The following RCOR3 variants were observed in gnomAD, a reference collection of about 807,000 sequenced individuals.
RCOR3 encodes REST corepressor 3.
RCOR3 carries 13 observed loss-of-function variants against 64.1 expected under a neutral mutation model. The observed-to-expected ratio is 0.20, with a 90% confidence interval of 0.13 to 0.32. The LOEUF (loss-of-function observed/expected upper bound fraction) is 0.32, where lower values mean the gene tolerates loss of function less well. RCOR3 is among the 10% of genes least tolerant of loss of function. RCOR3 has a pLI of 1.00. For synonymous variants in RCOR3, 215 were observed against 239.0 expected, an observed-to-expected ratio of 0.90 and a Z score of 0.93; for missense variants, 489 against 701.2, an observed-to-expected ratio of 0.70 and a Z score of 3.42.
intron 2 of RCOR3, among the ~76,000 whole-genome samples, chr1:211,263,622 A>G (rs1694732423): frequency 1.3e-5 from 2 of 152,192 alleles, no homozygotes; most frequent in Admixed American, 1.3e-4. Context: ...CTTATCAATC[A>G]AATGTAGATT....
chr1:211,275,303 T>G (rs1696815707), intron 4 of RCOR3, among the ~76,000 whole-genome samples: 1 of 152,108 alleles, frequency 6.6e-6, no homozygotes, highest in Admixed American at 6.5e-5. Context: ...GAAATTGAGA[T>G]GTTTATTTTA....
chr1:211,266,853 C>T (rs1473464557), intron 2 of RCOR3, among the ~76,000 whole-genome samples: 3 of 152,152 alleles, frequency 2.0e-5, no homozygotes, highest in East Asian at 1.9e-4. Flanking sequence ...GTTACTTTCT[C>T]CTGTTTTATA....
At chr1:211,259,924 G>GCCCCCCCCCCCC in intron 1 of RCOR3, 184 bp from the exon 2 acceptor site, 2 of 459,850 alleles carry the variant, frequency 4.3e-6, no homozygotes, top group South Asian at 3.8e-5. Context: ...CTCCGCCTTT[G>GCCCCCCCCCCCC]CCCCCCCCCG....
At chr1:211,288,581 TTTTA>T (rs1169895628) in intron 7 of RCOR3, among the ~76,000 whole-genome samples, 7 of 147,544 alleles carry the variant, frequency 4.7e-5, no homozygotes, top group East Asian at 1.9e-4. Context: ...ATTATATTTA[TTTTA>T]TTTATTATAT....
intron 9 of RCOR3, among the ~76,000 whole-genome samples, chr1:211,298,964 G>A (rs1483502017): frequency 6.6e-6 from 1 of 151,680 alleles, no homozygotes; most frequent in African/African-American, 2.4e-5. Flanking sequence ...CTGAGATCGC[G>A]CCACTGCACT....
intron 8 of RCOR3, among the ~76,000 whole-genome samples, chr1:211,293,524 CTTTT>C (rs1376518505): frequency 1.3e-5 from 2 of 152,156 alleles, no homozygotes; most frequent in East Asian, 3.8e-4. Flanking sequence ...TTTAGCTGTC[CTTTT>C]CTTTGGAACA....
intron 3 of RCOR3, among the ~76,000 whole-genome samples, chr1:211,273,099 G>A (rs1223544241): frequency 6.6e-6 from 1 of 152,148 alleles, no homozygotes; most frequent in Non-Finnish European, 1.5e-5. Flanking sequence ...CCCTTTGGGG[G>A]GAGATTTGAT....
rs1453412834 is a variant in RCOR3, at chr1:211,286,550, G to T, written c.721-2628G>T. 2.0e-5 allele frequency among the ~76,000 whole-genome samples: 3 copies of T among 151,948 alleles called. 1 individual carries two copies. Among genetic ancestry groups the T allele is most frequent in the Non-Finnish European group, 4.4e-5 (3 of 67,996 alleles). ...TCTCGATCTCCTGACCTCGTGATCC[G>T]CCCCCCTCGGCCTCCCAAAATGCTG... On this transcript the variant is annotated intron_variant, in intron 7 of 11. Transcript: ENST00000419091.
In RCOR3 at chr1:211,269,597, C is replaced by CA. The variant is rs542859850; in HGVS notation, c.224-1625dup. ...GGGCAACAAGAGTGAAACTTCATCT[C>CA]AAAAAAAAAAGTGGCAGCAATGCTT... On this transcript the variant is annotated intron_variant, in intron 2 of 11. Coordinates refer to ENST00000419091, the MANE Select transcript of RCOR3 (RefSeq NM_001136223.3). Among the ~76,000 whole-genome samples the CA allele has an allele frequency of 3.3e-3, 473 of 144,792 alleles. 4 individuals carry two copies. The highest frequency in any genetic ancestry group is 4.6e-3 in the Admixed American group (67 of 14,540). 95.0% of individuals were successfully genotyped at this position (144,792 alleles called of 152,430 possible). A position where few individuals can be genotyped will look rare whatever the true frequency, so the allele number is the denominator to read the frequency against.
At chr1:211,304,177 T>A in intron 10 of RCOR3, 37 bp downstream of exon 10, 2 of 1,465,712 alleles carry the variant, frequency 1.4e-6, no homozygotes, top group South Asian at 1.3e-5. Flanking sequence ...TGTTAATAAT[T>A]ATTTAATTTG....
At chr1:211,278,084 A>G (rs758820318) in intron 5 of RCOR3, 33 bp from the exon 6 acceptor site, 34 of 1,548,930 alleles carry the variant, frequency 2.2e-5, no homozygotes, top group Non-Finnish European at 2.8e-5. Context: ...TTTATGAATT[A>G]AACTTGCTGA....
At chr1:211,278,368 C>G in intron 6 of RCOR3, 127 bp downstream of exon 6, 4 of 1,123,782 alleles carry the variant, frequency 3.6e-6, no homozygotes, top group Non-Finnish European at 5.1e-6. Context: ...TATGTTTCTA[C>G]TCTGACAAGA....
Position 211,312,971 on chromosome 1 carries a change from T to G in RCOR3, c.1317+10T>G. On this transcript the variant is annotated intron_variant, in intron 11 of 11. Coordinates refer to ENST00000419091, the MANE Select transcript of RCOR3 (RefSeq NM_001136223.3). This position sits in a 1 kb window ranked among gnomAD's most constrained non-coding sequence, Gnocchi z 5.0. ...TGATGAAGAAGAGGAGGTGTGTTTGTGTATGGAATTTGAGCTAATATGAGT... is the reference window on the plus strand; with the variant it reads ...TGATGAAGAAGAGGAGGTGTGTTTGGGTATGGAATTTGAGCTAATATGAGT... 6.2e-7 allele frequency: 1 copy of G among 1,614,106 alleles called. No homozygotes were observed. The highest frequency in any genetic ancestry group is 8.5e-7 in the Non-Finnish European group (1 of 1,180,000).
chr1:211,262,552 A>T (rs1378863947), intron 2 of RCOR3, among the ~76,000 whole-genome samples: 1 of 152,156 alleles, frequency 6.6e-6, no homozygotes, highest in Non-Finnish European at 1.5e-5. Flanking sequence ...GTTAATAAAC[A>T]TACCTATATT....
At chr1:211,284,374 C>A (rs1032698385) in intron 7 of RCOR3, among the ~76,000 whole-genome samples, 3 of 151,604 alleles carry the variant, frequency 2.0e-5, no homozygotes, top group African/African-American at 7.3e-5. Flanking sequence ...GCCACTGTGC[C>A]CGGCCAATTT....
At chr1:211,296,752 G>A (rs888207576) in intron 9 of RCOR3, among the ~76,000 whole-genome samples, 7 of 151,982 alleles carry the variant, frequency 4.6e-5, no homozygotes, top group Non-Finnish European at 2.9e-5. Flanking sequence ...CTTGACCACA[G>A]GTAGACTGAC....
chr1:211,299,379 G>T (rs1355321264), intron 9 of RCOR3, among the ~76,000 whole-genome samples: 3 of 152,290 alleles, frequency 2.0e-5, no homozygotes, highest in East Asian at 1.9e-4. Flanking sequence ...GAGGTAAATG[G>T]GTAGGTGGAG....
chr1:211,306,776 T>C (rs772095152), intron 10 of RCOR3, among the ~76,000 whole-genome samples: 15 of 152,218 alleles, frequency 9.9e-5, no homozygotes, highest in Non-Finnish European at 1.9e-4. Context: ...TCTTTCTCTC[T>C]TAATCAGAAG....
At chr1:211,292,217 C>G (rs1046895790) in intron 8 of RCOR3, among the ~76,000 whole-genome samples, 1 of 152,210 alleles carries the variant, frequency 6.6e-6, no homozygotes, top group African/African-American at 2.4e-5. Context: ...TTGTGACTCT[C>G]TGGAGTATGT....
Sources: gnomAD v4.1 joint callset for allele counts (sites outside exome capture counted in the v4.1 genomes callset) on GRCh38, gnomAD v4.1.1 for gene constraint, Gnocchi (gnomAD v3.1) non-coding constraint, MANE v1.5 for transcripts, NCBI Gene and HGNC (gene_info 2026-07-23, HGNC 2026-07-21) for gene names.